The following RASGEF1C variants were observed in gnomAD, a reference collection of about 807,000 sequenced individuals.
The protein encoded by RASGEF1C is ras-GEF domain-containing family member 1C.
Under a neutral mutation model 58.1 loss-of-function variants are expected in RASGEF1C, and 27 were observed. The observed-to-expected ratio is 0.46, with a 90% CI of 0.34 to 0.64. RASGEF1C has a LOEUF of 0.64. Among genes scored for constraint, RASGEF1C ranks in the 30% least tolerant of loss-of-function variants. RASGEF1C has a pLI of 0.01. For synonymous variants in RASGEF1C, 243 were observed against 246.3 expected (o/e 0.99, Z 0.13); for missense variants, 502 against 605.1 (o/e 0.83, Z 1.79).
At chr5:180,114,366 G>A (rs764853879) in intron 11 of RASGEF1C, 80 bp downstream of exon 11, 5 of 1,374,228 alleles carry the variant, frequency 3.6e-6, no homozygotes, top group Non-Finnish European at 5.1e-6. Context: ...ATGAGGCTGG[G>A]TGTCCAAGGG....
chr5:180,206,200 G>A (rs1253020136), intron 1 of RASGEF1C, among the ~76,000 whole-genome samples: 1 of 152,174 alleles, frequency 6.6e-6, no homozygotes, highest in Non-Finnish European at 1.5e-5. Flanking sequence ...GAGGAAAGAT[G>A]ACCTTTTAAA....
chr5:180,111,428 T>C (rs1765958073), intron 12 of RASGEF1C, 29 bp downstream of exon 12: 1 of 1,613,710 alleles, frequency 6.2e-7, no homozygotes, highest in African/African-American at 1.3e-5. Context: ...CGTGGCCCAG[T>C]AGGCAGGAGG....
chr5:180,195,381 G>A (rs1756247524), intron 1 of RASGEF1C, among the ~76,000 whole-genome samples: 1 of 152,122 alleles, frequency 6.6e-6, no homozygotes, highest in African/African-American at 2.4e-5. Context: ...ACGACGACAC[G>A]GGAACTCCTT....
At chr5:180,182,521 C>T (rs1462102227) in intron 1 of RASGEF1C, among the ~76,000 whole-genome samples, 1 of 152,204 alleles carries the variant, frequency 6.6e-6, no homozygotes, top group African/African-American at 2.4e-5. Flanking sequence ...TTGTCCCTGC[C>T]CATGTCCTGC....
rs1327112917 is a variant in RASGEF1C at position 180,119,371 on chromosome 5, G to A, written c.882C>T (p.Asn294=). 4 of 1,614,020 alleles carry A rather than the reference G, an allele frequency of 2.5e-6. No individual in the cohort carries two copies. In the African/African-American group the frequency reaches 5.3e-5, roughly 22 times the overall value. ...AGATGATGGCCATGAGGGAGTTGAA[G>A]TTGCCGATGTTGAAGCACTCGCGGG... The part of the protein sequence containing the change: ...DVARECFNIG[N]FNSLMAIISG... The change falls in exon 8 of 14, where the codon AAC becomes AAT. Residue 294 remains asparagine, a synonymous_variant. Transcript: ENST00000361132.
chr5:180,103,190 G>A (rs921072920), intron 12 of RASGEF1C, among the ~76,000 whole-genome samples: 2 of 152,120 alleles, frequency 1.3e-5, no homozygotes, highest in South Asian at 4.1e-4. Context: ...CCATTCTCCT[G>A]CCTCACCCTC....
At chr5:180,159,542 G>A (rs964612298) in intron 1 of RASGEF1C, among the ~76,000 whole-genome samples, 1 of 152,192 alleles carries the variant, frequency 6.6e-6, no homozygotes, top group Non-Finnish European at 1.5e-5. Flanking sequence ...TGCCATGCTG[G>A]AAGCATCCAC....
chr5:180,101,095 A>C lies in RASGEF1C; in HGVS notation c.*406T>G. 1 of 194,826 alleles carries C rather than the reference A, an allele frequency of 5.1e-6. No homozygotes were observed. The highest frequency in any genetic ancestry group is 1.0e-5 in the Non-Finnish European group (1 of 95,336). The allele number at this position is 194,826 out of a possible 1,614,324, so 12.1% of individuals were successfully genotyped here. On this transcript the variant is annotated 3_prime_UTR_variant, in exon 14 of 14. Transcript: ENST00000361132. ...CCGTGATGCCTGCTGTGGCTCCAGA[A>C]GTTCCCAAGCCACGTGGTGACAGAC... is the stretch of plus-strand genomic sequence containing the variant.
Position 180,121,163 on chromosome 5 carries a change from A to C in RASGEF1C, c.715-14T>G. ...ACTGAAGCAGGGCTAGAACAAACACAGCACACGGGACCACGTTCTGAGCCT... is the reference window on the plus strand; with the variant it reads ...ACTGAAGCAGGGCTAGAACAAACACCGCACACGGGACCACGTTCTGAGCCT... On this transcript the variant is annotated splice_polypyrimidine_tract_variant and intron_variant, in intron 6 of 13. Coordinates refer to ENST00000361132, the MANE Select transcript of RASGEF1C (RefSeq NM_175062.4). 1 of 1,589,904 alleles carries C rather than the reference A, an allele frequency of 6.3e-7. No individual in the cohort carries two copies. Among genetic ancestry groups the C allele is most frequent in the Non-Finnish European group, 8.6e-7 (1 of 1,157,932 alleles).
chr5:180,201,818 T>C (rs1287346485), intron 1 of RASGEF1C, among the ~76,000 whole-genome samples: 1 of 152,206 alleles, frequency 6.6e-6, no homozygotes, highest in Non-Finnish European at 1.5e-5. Context: ...GAGAGCTCCC[T>C]TGTCCCTTCC....
chr5:180,180,111 G>A (rs1354478332), intron 1 of RASGEF1C, among the ~76,000 whole-genome samples: 1 of 152,216 alleles, frequency 6.6e-6, no homozygotes, highest in Admixed American at 6.5e-5. Flanking sequence ...ACATCCACCA[G>A]CAGCTCTGGG....
At chr5:180,146,891 T>A (rs1766668368) in intron 1 of RASGEF1C, among the ~76,000 whole-genome samples, 1 of 152,224 alleles carries the variant, frequency 6.6e-6, no homozygotes, top group Non-Finnish European at 1.5e-5. Context: ...TTGGTGATGG[T>A]TCTTTTTTAA....
At chr5:180,199,587 C>T (rs948742539) in intron 1 of RASGEF1C, among the ~76,000 whole-genome samples, 1 of 152,114 alleles carries the variant, frequency 6.6e-6, no homozygotes, top group African/African-American at 2.4e-5. Context: ...GGTGTGGGAC[C>T]GGAAGGCCCT....
At chr5:180,162,834 C>T (rs986156213) in intron 1 of RASGEF1C, among the ~76,000 whole-genome samples, 5 of 152,124 alleles carry the variant, frequency 3.3e-5, no homozygotes, top group African/African-American at 4.8e-5. Flanking sequence ...ACCTTTACTA[C>T]GTTGAGTCTT....
At chr5:180,136,688 G>C in intron 3 of RASGEF1C, 173 bp from the exon 4 acceptor site, 1 of 649,358 alleles carries the variant, frequency 1.5e-6, no homozygotes, top group African/African-American at 1.9e-5. Flanking sequence ...GGAGAGGAGG[G>C]GGGACGGACA....
chr5:180,203,257 G>A lies in RASGEF1C; in HGVS notation c.-7+5771C>T, dbSNP rs190377948. 3.2e-4 allele frequency among the ~76,000 whole-genome samples: 48 copies of A among 152,244 alleles called. No homozygotes were observed. The East Asian group carries it at 7.5e-3, about 24-fold the overall frequency. On this transcript the variant is annotated intron_variant, in intron 1 of 13. Coordinates refer to ENST00000361132, the MANE Select transcript of RASGEF1C (RefSeq NM_175062.4). ...GATATCACTACTGGGATTATGTTAC[G>A]TTGTTATATCATGTATGTCACGTTA...
rs574890677 is a variant in RASGEF1C at position 180,129,935 on chromosome 5, G to A, written c.439-1325C>T. Among the ~76,000 whole-genome samples the A allele has an allele frequency of 4.3e-4, 66 of 152,340 alleles. 1 individual carries two copies. The highest frequency in any genetic ancestry group is 1.4e-3 in the African/African-American group (59 of 41,584). On this transcript the variant is annotated intron_variant, in intron 4 of 13. Transcript: ENST00000361132. ...TAGGTTTTCCTTGACGGTGGGAGAGGAGGTGCCCCTGAGGGGTGGCCACGG... is the reference window on the plus strand; with the variant it reads ...TAGGTTTTCCTTGACGGTGGGAGAGAAGGTGCCCCTGAGGGGTGGCCACGG...
intron 1 of RASGEF1C, among the ~76,000 whole-genome samples, chr5:180,157,584 G>A (rs946904850): frequency 1.2e-4 from 18 of 148,848 alleles, no homozygotes; most frequent in African/African-American, 3.2e-4. Context: ...CCGAAATTGC[G>A]CCATTGCACT....
chr5:180,109,351 GGGA>G (rs1765921821), intron 12 of RASGEF1C, among the ~76,000 whole-genome samples: 1 of 152,098 alleles, frequency 6.6e-6, no homozygotes, highest in Non-Finnish European at 1.5e-5. Context: ...CCAGCTACTC[GGGA>G]GGCTGAGGCA....
Sources: gnomAD v4.1 joint callset for allele counts (sites outside exome capture counted in the v4.1 genomes callset) on GRCh38, gnomAD v4.1.1 for gene constraint, MANE v1.5 for transcripts, NCBI Gene and HGNC (gene_info 2026-07-23, HGNC 2026-07-21) for gene names.